The following CRCP variants were observed in gnomAD, a reference collection of about 807,000 sequenced individuals.
CRCP encodes the protein DNA-directed RNA polymerase III subunit RPC9.
CRCP carries 18 observed loss-of-function variants against 18.5 expected under a neutral mutation model. The ratio of observed to expected loss-of-function variants is 0.97; its 90% CI spans 0.67 to 1.44. CRCP has a LOEUF of 1.44. CRCP is among the 40% of genes most tolerant of loss of function. CRCP has a pLI of 0.00. For missense variants in CRCP, 130 were observed against 176.4 expected, an observed-to-expected ratio of 0.74 and a Z score of 1.49; for synonymous variants, 53 against 62.9, an observed-to-expected ratio of 0.84 and a Z score of 0.75.
intron 1 of CRCP, among the ~76,000 whole-genome samples, chr7:66,125,473 C>T (rs185256254): frequency 1.3e-5 from 2 of 149,460 alleles, no homozygotes; most frequent in South Asian, 2.2e-4. Context: ...AATTTATCTT[C>T]CTGATAAAAT....
chr7:66,150,358 G>C (rs1009885586), intron 5 of CRCP, among the ~76,000 whole-genome samples: 11 of 15,640 alleles, frequency 7.0e-4, no homozygotes, highest in Admixed American at 2.5e-3. Context: ...AAGAGTGAAG[G>C]GGGGGAGTTG....
intron 4 of CRCP, 168 bp downstream of exon 4, chr7:66,134,542 A>C: frequency 2.6e-6 from 1 of 390,748 alleles, no homozygotes; most frequent in Admixed American, 6.4e-5. Context: ...GTAAGGAACA[A>C]ATCTTTTTTT....
At position 66,152,270 on chromosome 7, in the gene CRCP, C is replaced by A; in HGVS notation, c.360C>A (p.Val120=). ...EEQIEALLHT[V]TSILPAEPEA... is the part of the protein sequence containing the mutation. ...AGATTGAAGCTCTTCTCCACACCGT[C>A]ACCAGCATTCTGCCTGCAGAGCCAG... is the stretch of plus-strand genomic sequence containing the variant. Residue 120 remains valine (V), a synonymous_variant, in exon 6 of 6, where the codon GTC becomes GTA. Transcript: ENST00000395326. The A allele has an allele frequency of 1.2e-6, 2 of 1,614,124 alleles. No individual in the cohort carries two copies. The highest frequency in any genetic ancestry group is 1.7e-6 in the Non-Finnish European group (2 of 1,180,020).
chr7:66,146,204 A>G (rs1217088136), intron 5 of CRCP, among the ~76,000 whole-genome samples: 1 of 152,194 alleles, frequency 6.6e-6, no homozygotes, highest in Non-Finnish European at 1.5e-5. Context: ...ATTTCCCTGC[A>G]TAAACCGTTT....
chr7:66,122,232 G>A (rs924557849), intron 1 of CRCP, among the ~76,000 whole-genome samples: 2 of 152,002 alleles, frequency 1.3e-5, no homozygotes, highest in African/African-American at 2.4e-5. Context: ...AAAATTAGCC[G>A]GGCGTGGTGG....
chr7:66,117,504 T>C (rs1787305283), intron 1 of CRCP, among the ~76,000 whole-genome samples: 1 of 152,176 alleles, frequency 6.6e-6, no homozygotes, highest in South Asian at 2.1e-4. Context: ...ACTCCCTAAA[T>C]CCAGTCCATC....
chr7:66,148,944 A>G (rs1299684513), intron 5 of CRCP, among the ~76,000 whole-genome samples: 1 of 152,270 alleles, frequency 6.6e-6, no homozygotes, highest in African/African-American at 2.4e-5. Context: ...AATATTTAAT[A>G]GTATACATTG....
At chr7:66,147,359 G>C (rs956993198) in intron 5 of CRCP, among the ~76,000 whole-genome samples, 7 of 149,646 alleles carry the variant, frequency 4.7e-5, no homozygotes, top group Non-Finnish European at 1.0e-4. Flanking sequence ...AAAAAAAAGA[G>C]TGCATGGGGT....
At chr7:66,138,688 G>A (rs1788044328) in intron 4 of CRCP, among the ~76,000 whole-genome samples, 1 of 151,192 alleles carries the variant, frequency 6.6e-6, no homozygotes, top group Admixed American at 6.6e-5. Flanking sequence ...CAGCTACTCG[G>A]GAGGCTGAGA....
chr7:66,145,524 G>C (rs745787676), intron 5 of CRCP, 24 bp downstream of exon 5: 1 of 1,613,208 alleles, frequency 6.2e-7, no homozygotes, highest in Admixed American at 1.7e-5. Context: ...GCCTGTGCTG[G>C]GGAGGCTGCT....
chr7:66,127,700 T>A lies in CRCP; in HGVS notation c.9-4T>A, dbSNP rs200633756. On this transcript the variant is annotated splice_polypyrimidine_tract_variant and splice_region_variant and intron_variant, in intron 1 of 5. Coordinates refer to ENST00000395326, the MANE Select transcript of CRCP (RefSeq NM_014478.5). ...ACTGATGATAGCTTACTTTTCTTTTTCAGGAAGGATGCCAATTCTGCGCTT... is the reference window on the plus strand; with the variant it reads ...ACTGATGATAGCTTACTTTTCTTTTACAGGAAGGATGCCAATTCTGCGCTT... The A allele has an allele frequency of 1.2e-6, 2 of 1,614,170 alleles. No homozygotes were observed. Among genetic ancestry groups the A allele is most frequent in the African/African-American group, 2.7e-5 (2 of 75,054 alleles).
intron 5 of CRCP, among the ~76,000 whole-genome samples, chr7:66,146,105 G>A (rs193123655): frequency 6.6e-6 from 1 of 152,084 alleles, no homozygotes; most frequent in African/African-American, 2.4e-5. Context: ...CGGCTCTTGC[G>A]GTTATCCTCT....
intron 1 of CRCP, among the ~76,000 whole-genome samples, chr7:66,125,221 G>A (rs1019214598): frequency 6.7e-6 from 1 of 149,076 alleles, no homozygotes; most frequent in Non-Finnish European, 1.5e-5. Context: ...TGGATAACTT[G>A]ATTAAGTTGA....
At position 66,127,639 on chromosome 7, in the gene CRCP, A is replaced by G. The variant is rs553760852; in HGVS notation, c.9-65A>G. The G allele has an allele frequency of 1.2e-5, 19 of 1,567,006 alleles. No homozygotes were observed. In the East Asian group the frequency reaches 4.3e-4, roughly 35 times the overall value. ...ACTGTATCTTGACAGGAATTCTTTTACAGAATTTGATACCCAGAAAGGGGT... is the reference window on the plus strand; with the variant it reads ...ACTGTATCTTGACAGGAATTCTTTTGCAGAATTTGATACCCAGAAAGGGGT... On this transcript the variant is annotated intron_variant, in intron 1 of 5. Coordinates refer to ENST00000395326, the MANE Select transcript of CRCP (RefSeq NM_014478.5).
rs1388718154 is a variant in CRCP, at chr7:66,117,371, C to T, written c.8+2401C>T. 2.6e-5 allele frequency among the ~76,000 whole-genome samples: 4 copies of T among 152,044 alleles called. No homozygotes were observed. The East Asian group carries it at 7.7e-4, about 29-fold the overall frequency. ...GTATCTTAGGGCTCAGTCCTGGGAC[C>T]CTTTCTCTCCACACTCTGTCATTTC... On this transcript the variant is annotated intron_variant, in intron 1 of 5. Coordinates refer to ENST00000395326, the MANE Select transcript of CRCP (RefSeq NM_014478.5).
At chr7:66,126,638 G>A (rs1171899282) in intron 1 of CRCP, 3 of 429,952 alleles carry the variant, frequency 7.0e-6, no homozygotes, top group South Asian at 5.0e-5. Flanking sequence ...CTTCCATTAT[G>A]GAGATGTTAA....
In CRCP at chr7:66,143,115, A is replaced by T. The variant is rs182133968; in HGVS notation, c.240-2328A>T. Among the ~76,000 whole-genome samples the T allele has an allele frequency of 2.0e-5, 3 of 152,268 alleles. No homozygotes were observed. In the East Asian group the frequency reaches 5.8e-4, roughly 29 times the overall value. ...ATCCTACCCAATCTAGGCAGTTGTC[A>T]AGTCCTGTTGACTTTACCTGAGGGT... is the stretch of plus-strand genomic sequence containing the variant. On this transcript the variant is annotated intron_variant, in intron 4 of 5. Coordinates refer to ENST00000395326, the MANE Select transcript of CRCP (RefSeq NM_014478.5).
At chr7:66,133,991 T>G (rs1035363740) in intron 3 of CRCP, among the ~76,000 whole-genome samples, 15 of 151,654 alleles carry the variant, frequency 9.9e-5, no homozygotes, top group Admixed American at 2.6e-4. Context: ...CCCTAGTAGC[T>G]GGGATTACAG....
intron 2 of CRCP, 97 bp downstream of exon 2, chr7:66,127,837 G>GA: frequency 7.4e-7 from 1 of 1,355,278 alleles, no homozygotes. Context: ...ATTCAGGCTG[G>GA]GTGCAGTGGT....
Sources: allele counts gnomAD v4.1 joint callset (sites outside exome capture counted in the v4.1 genomes callset), GRCh38; gene constraint gnomAD v4.1.1; transcripts MANE v1.5; gene names NCBI Gene and HGNC (gene_info 2026-07-23, HGNC 2026-07-21).